Variants in BCL7A observed in about 807,000 individuals in gnomAD.
BCL7A encodes the protein BAF chromatin remodeling complex subunit BCL7A, also known as B-cell CLL/lymphoma 7 protein family member A.
Under a neutral mutation model 28.4 loss-of-function variants are expected in BCL7A, and 11 were observed. The ratio of observed to expected loss-of-function variants is 0.39; its 90% confidence interval spans 0.24 to 0.64. The LOEUF (loss-of-function observed/expected upper bound fraction) is 0.64, where lower values mean the gene tolerates loss of function less well. Ranked by LOEUF, BCL7A falls within the 30% of genes least tolerant of loss-of-function variation. The probability of loss-of-function intolerance (pLI) is 0.50; values close to 1 mark genes in which losing one functional copy is unlikely to be tolerated. For synonymous variants in BCL7A, 123 were observed against 103.3 expected (o/e 1.19, Z -1.15); for missense variants, 222 against 274.8 (o/e 0.81, Z 1.36).
chr12:122,054,096 T>C (rs1301311722), intron 4 of BCL7A, among the ~76,000 whole-genome samples: 2 of 152,166 alleles, frequency 1.3e-5, no homozygotes, highest in Non-Finnish European at 2.9e-5. Flanking sequence ...ATTATTGTTA[T>C]TATTTTGAGA....
At chr12:122,038,238 C>T (rs572947254) in intron 3 of BCL7A, among the ~76,000 whole-genome samples, 1 of 151,702 alleles carries the variant, frequency 6.6e-6, no homozygotes, top group African/African-American at 2.4e-5. Flanking sequence ...TCAAGACCAG[C>T]CTGGCCAACA....
rs763960478 is a variant in BCL7A at position 122,022,142 on chromosome 12, T to C, written c.51T>C (p.Asp17=). 2 of 1,579,174 alleles carry C rather than the reference T, an allele frequency of 1.3e-6. No individual in the cohort carries two copies. The highest frequency in any genetic ancestry group is 1.1e-5 in the South Asian group (1 of 89,256). ...AGACGAGGAGCCGGGCCAAAGATGATATCAAGAGGGTCATGGCGGCGATCG... is the reference window on the plus strand; with the variant it reads ...AGACGAGGAGCCGGGCCAAAGATGACATCAAGAGGGTCATGGCGGCGATCG... ...RAETRSRAKD[D]IKRVMAAIEK... The change falls in exon 1 of 6, where the codon GAT becomes GAC. Residue 17 remains aspartate, a synonymous_variant. Transcript: ENST00000261822.
intron 3 of BCL7A, among the ~76,000 whole-genome samples, chr12:122,036,211 T>C (rs146619938): frequency 2.5e-3 from 382 of 152,290 alleles, no homozygotes; most frequent in African/African-American, 8.1e-3. Flanking sequence ...CGTCTACACC[T>C]AACTTCCTTT....
rs576358975 is a variant in BCL7A at position 122,029,187 on chromosome 12, G to A, written c.93-1513G>A. Among the ~76,000 whole-genome samples, 2 of 152,166 alleles carry A rather than the reference G, an allele frequency of 1.3e-5. No individual in the cohort carries two copies. Among genetic ancestry groups the A allele is most frequent in the Admixed American group, 6.5e-5 (1 of 15,280 alleles). On this transcript the variant is annotated intron_variant, in intron 1 of 5. Transcript: ENST00000261822. This position sits in a 1 kb window ranked among gnomAD's most constrained non-coding sequence, Gnocchi z 4.3. ...GTTGCCATTTCCTGCCGGATGAGCC[G>A]GCACAGTCCTTGGTACATAGAAGGC... is the stretch of plus-strand genomic sequence containing the variant.
chr12:122,050,299 G>GGC (rs1555223914), intron 4 of BCL7A, among the ~76,000 whole-genome samples: 1 of 88,522 alleles, frequency 1.1e-5, no homozygotes, highest in African/African-American at 1.1e-4. Flanking sequence ...TCTTTATTGT[G>GGC]GGGGGGGGGC....
At chr12:122,045,318 T>C (rs543494211) in intron 4 of BCL7A, among the ~76,000 whole-genome samples, 2 of 152,070 alleles carry the variant, frequency 1.3e-5, no homozygotes, top group East Asian at 1.9e-4. Context: ...GAGGCGGAGG[T>C]TGCAGTGAGC....
intron 1 of BCL7A, 60 bp from the exon 2 acceptor site, chr12:122,030,640 G>A (rs1883723394): frequency 6.8e-7 from 1 of 1,474,402 alleles, no homozygotes; most frequent in Non-Finnish European, 9.5e-7. Context: ...AAGGGAGTGT[G>A]GCCTGTGTCC....
intron 4 of BCL7A, among the ~76,000 whole-genome samples, chr12:122,050,169 C>G (rs1407750738): frequency 6.6e-6 from 1 of 152,112 alleles, no homozygotes; most frequent in Non-Finnish European, 1.5e-5. Context: ...TTAGCAGAGA[C>G]AGGGTTTCAC....
chr12:122,035,753 G>A (rs979516885), intron 3 of BCL7A, among the ~76,000 whole-genome samples: 1 of 152,120 alleles, frequency 6.6e-6, no homozygotes, highest in Admixed American at 6.5e-5. Context: ...ATGTTTCTTC[G>A]CCCCCTCATA....
chr12:122,023,560 G>A (rs965138065), intron 1 of BCL7A, among the ~76,000 whole-genome samples: 15 of 152,208 alleles, frequency 9.9e-5, no homozygotes, highest in Non-Finnish European at 1.8e-4. Flanking sequence ...TATGGAAAGG[G>A]CTGGCTGCGA....
At chr12:122,026,320 G>A (rs1461766444) in intron 1 of BCL7A, among the ~76,000 whole-genome samples, 2 of 151,688 alleles carry the variant, frequency 1.3e-5, no homozygotes, top group African/African-American at 4.8e-5. Context: ...ACCCTCGTCT[G>A]TAATCCCAGC....
chr12:122,058,591 G>A (rs1305352275), intron 5 of BCL7A, among the ~76,000 whole-genome samples: 2 of 152,134 alleles, frequency 1.3e-5, no homozygotes, highest in Non-Finnish European at 2.9e-5. Context: ...CCCAGGAGGC[G>A]GAGGTTGCAG....
intron 2 of BCL7A, among the ~76,000 whole-genome samples, chr12:122,033,470 C>T (rs1430587862): frequency 9.2e-5 from 14 of 152,280 alleles, no homozygotes; most frequent in African/African-American, 2.2e-4. Flanking sequence ...CGCGCCACCA[C>T]GTCCAGCTAA....
rs117459500 is a variant in BCL7A at position 122,061,733 on chromosome 12, G to A, written c.*2570G>A. The A allele has an allele frequency of 3.7e-3, 862 of 231,308 alleles. 9 individuals are homozygous for A. Among genetic ancestry groups the A allele is most frequent in the East Asian group, 0.021 (335 of 16,284 alleles). The allele number at this position is 231,308 out of a possible 1,614,324, so 14.3% of individuals were successfully genotyped here. A position where few individuals can be genotyped will look rare whatever the true frequency, so the allele number is the denominator to read the frequency against. ...CAAAACGTGAAGTCGGGGAAGCTGC[G>A]GCTACACATTCCACAAAGTGCTGGC... On this transcript the variant is annotated 3_prime_UTR_variant, in exon 6 of 6. Coordinates refer to ENST00000261822, the MANE Select transcript of BCL7A (RefSeq NM_001024808.3).
chr12:122,043,967 A>G lies in BCL7A; in HGVS notation c.353A>G (p.Glu118Gly), dbSNP rs749400935. ...ENSSNSSPAP[E>G]PNSAVPSDGT... Reference sequence around the variant, plus strand: ...AGCAGCAACTCCAGCCCCGCTCCAGAGCCCAACTCGGCTGTGCCCAGCGAC... The same window carrying G: ...AGCAGCAACTCCAGCCCCGCTCCAGGGCCCAACTCGGCTGTGCCCAGCGAC... The change falls in exon 4 of 6, where the codon GAG (glutamate) becomes GGG (glycine). Residue 118 changes from glutamate to glycine, a missense_variant. Glu to Gly is a moderately conservative substitution (Grantham distance 98). Transcript: ENST00000261822. 4 of 1,613,862 alleles carry G rather than the reference A, an allele frequency of 2.5e-6. No individual in the cohort carries two copies. The highest frequency in any genetic ancestry group is 3.4e-6 in the Non-Finnish European group (4 of 1,180,024).
intron 3 of BCL7A, among the ~76,000 whole-genome samples, chr12:122,042,780 T>C (rs1468426877): frequency 2.0e-5 from 3 of 152,190 alleles, no homozygotes; most frequent in Admixed American, 1.3e-4. Flanking sequence ...ATAGCATGCA[T>C]TGCTGAAAAT....
chr12:122,052,022 C>T (rs1039793684), intron 4 of BCL7A, among the ~76,000 whole-genome samples: 16 of 151,694 alleles, frequency 1.1e-4, no homozygotes, highest in Non-Finnish European at 4.4e-5. Context: ...TTACAGGCAC[C>T]TGCCATCACA....
intron 3 of BCL7A, 130 bp from the exon 4 acceptor site, chr12:122,043,756 C>A (rs1884007987): frequency 2.1e-6 from 2 of 932,464 alleles, no homozygotes; most frequent in Admixed American, 2.8e-5. Context: ...AAAACGGTAA[C>A]CAGACCCCTC....
chr12:122,054,538 T>A (rs533797734), intron 4 of BCL7A, among the ~76,000 whole-genome samples: 1 of 152,158 alleles, frequency 6.6e-6, no homozygotes, highest in Non-Finnish European at 1.5e-5. Flanking sequence ...TGCAGCCTCC[T>A]CCAGTCGCCT....
Sources: allele counts gnomAD v4.1 joint callset (sites outside exome capture counted in the v4.1 genomes callset), GRCh38; gene constraint gnomAD v4.1.1; non-coding constraint Gnocchi (gnomAD v3.1); transcripts MANE v1.5; gene names NCBI Gene and HGNC (gene_info 2026-07-23, HGNC 2026-07-21).